Variants in NAALADL2 observed in about 807,000 individuals in gnomAD.
NAALADL2 encodes the protein inactive N-acetylated-alpha-linked acidic dipeptidase-like protein 2.
A neutral mutation model predicts 87.2 loss-of-function variants in NAALADL2; 76 were observed. The observed-to-expected ratio is 0.87, with a 90% confidence interval of 0.72 to 1.05. The LOEUF (loss-of-function observed/expected upper bound fraction) is 1.05, where lower values mean the gene tolerates loss of function less well. Among genes scored for constraint, NAALADL2 ranks in the 50% least tolerant of loss-of-function variants. NAALADL2 has a pLI of 0.00. For synonymous variants in NAALADL2, 354 were observed against 331.0 expected, an observed-to-expected ratio of 1.07 and a Z score of -0.75; for missense variants, 1,089 against 945.8, an observed-to-expected ratio of 1.15 and a Z score of -1.99.
intron 4 of NAALADL2, among the ~76,000 whole-genome samples, chr3:175,313,444 A>G (rs1219950730): frequency 6.6e-6 from 1 of 152,198 alleles, no homozygotes; most frequent in African/African-American, 2.4e-5. Context: ...AATGTTTTGA[A>G]GGAGCTAAAT....
At chr3:175,202,799 C>T (rs1251643237) in intron 2 of NAALADL2, among the ~76,000 whole-genome samples, 1 of 151,946 alleles carries the variant, frequency 6.6e-6, no homozygotes, top group Non-Finnish European at 1.5e-5. Context: ...GCTGTGGCTG[C>T]TCTGGGGGAT....
At chr3:174,441,606 C>A (rs1024317756) in intron 1 of NAALADL2, among the ~76,000 whole-genome samples, 3 of 152,194 alleles carry the variant, frequency 2.0e-5, no homozygotes, top group African/African-American at 4.8e-5. Flanking sequence ...ATGGAAAGAG[C>A]AGCCTGGGAT....
intron 2 of NAALADL2, among the ~76,000 whole-genome samples, chr3:175,220,174 G>C (rs1743148680): frequency 6.9e-6 from 1 of 145,550 alleles, no homozygotes; most frequent in Non-Finnish European, 1.5e-5. Flanking sequence ...AAGGATATTT[G>C]ATGATAATTT....
intron 3 of NAALADL2, among the ~76,000 whole-genome samples, chr3:174,795,015 G>C (rs992639733): frequency 1.3e-5 from 1 of 78,348 alleles, no homozygotes; most frequent in African/African-American, 4.9e-5. Context: ...TTTTGAGACA[G>C]AGTTTCGCTC....
At chr3:175,701,834 A>G (rs559005681) in intron 11 of NAALADL2, among the ~76,000 whole-genome samples, 28 of 152,254 alleles carry the variant, frequency 1.8e-4, no homozygotes, top group African/African-American at 5.5e-4. Context: ...TAACTTCTCT[A>G]TTTAGGTAAT....
At position 175,674,198 on chromosome 3, in the gene NAALADL2, A is replaced by T. The variant is rs77411062; in HGVS notation, c.1896+46812A>T. 2.9e-3 allele frequency among the ~76,000 whole-genome samples: 435 copies of T among 151,676 alleles called. 2 individuals are homozygous for T. The highest frequency in any genetic ancestry group is 9.7e-3 in the African/African-American group (402 of 41,422). ...TTTTTTGTTATTTGTATTATCAAAG[A>T]TTAAAATTCTTGCATTTTGTTTTGT... On this transcript the variant is annotated intron_variant, in intron 11 of 13. Transcript: ENST00000454872.
At chr3:175,069,550 T>C (rs1200753960) in intron 1 of NAALADL2, among the ~76,000 whole-genome samples, 1 of 150,162 alleles carries the variant, frequency 6.7e-6, no homozygotes, top group African/African-American at 2.5e-5. Context: ...AGGAACACTT[T>C]TACAGTGTTG....
At chr3:174,631,429 C>T (rs1332194972) in intron 2 of NAALADL2, among the ~76,000 whole-genome samples, 1 of 152,122 alleles carries the variant, frequency 6.6e-6, no homozygotes, top group Non-Finnish European at 1.5e-5. Flanking sequence ...GTTTTCTGAA[C>T]CTAATCATCT....
intron 5 of NAALADL2, among the ~76,000 whole-genome samples, chr3:175,338,525 T>C (rs1453137284): frequency 1.3e-5 from 2 of 149,456 alleles, no homozygotes; most frequent in East Asian, 3.9e-4. Flanking sequence ...GACCCCAGTT[T>C]TATAGCAACA....
intron 5 of NAALADL2, among the ~76,000 whole-genome samples, chr3:175,378,111 G>C (rs1466870324): frequency 6.6e-6 from 1 of 152,152 alleles, no homozygotes; most frequent in East Asian, 1.9e-4. Context: ...ACTCCCTCTG[G>C]GGCTTCAGGG....
At chr3:174,800,845 A>G (rs1386460165) in intron 3 of NAALADL2, among the ~76,000 whole-genome samples, 1 of 152,204 alleles carries the variant, frequency 6.6e-6, no homozygotes, top group African/African-American at 2.4e-5. Flanking sequence ...ACATGGAGTC[A>G]AAGGAGATCA....
chr3:175,284,186 G>GTTTTTTT (rs34562094), intron 4 of NAALADL2, among the ~76,000 whole-genome samples: 6 of 142,712 alleles, frequency 4.2e-5, no homozygotes, highest in African/African-American at 1.0e-4. Context: ...TTTACACTGT[G>GTTTTTTT]TTTTTTTTTT....
intron 9 of NAALADL2, among the ~76,000 whole-genome samples, chr3:175,505,211 G>A (rs1222645521): frequency 6.6e-6 from 1 of 151,350 alleles, no homozygotes; most frequent in Non-Finnish European, 1.5e-5. Flanking sequence ...GTTGCAGTGA[G>A]CTATGATCCT....
At chr3:174,809,436 G>A (rs953829065) in intron 3 of NAALADL2, among the ~76,000 whole-genome samples, 1 of 152,172 alleles carries the variant, frequency 6.6e-6, no homozygotes, top group African/African-American at 2.4e-5. Flanking sequence ...ATATCAATAT[G>A]TTCGGATTTT....
intron 2 of NAALADL2, among the ~76,000 whole-genome samples, chr3:175,167,939 A>G (rs1483498695): frequency 2.6e-5 from 4 of 152,018 alleles, no homozygotes; most frequent in Admixed American, 6.6e-5. Flanking sequence ...TGGCATTATA[A>G]TAATCACTGA....
chr3:175,598,227 A>G (rs1560825239), intron 10 of NAALADL2, among the ~76,000 whole-genome samples: 1 of 152,070 alleles, frequency 6.6e-6, no homozygotes, highest in Non-Finnish European at 1.5e-5. Flanking sequence ...CCATAGGCGG[A>G]ACACCTAGAT....
intron 2 of NAALADL2, among the ~76,000 whole-genome samples, chr3:174,621,816 A>G (rs1721034418): frequency 6.6e-6 from 1 of 152,194 alleles, no homozygotes; most frequent in South Asian, 2.1e-4. Context: ...ACTGTTGGCA[A>G]AAGAGTCACT....
intron 5 of NAALADL2, among the ~76,000 whole-genome samples, chr3:175,445,682 T>A (rs899832873): frequency 7.2e-5 from 11 of 152,234 alleles, no homozygotes; most frequent in Admixed American, 6.5e-4. Context: ...ATTATGACTA[T>A]GTAAATATTA....
intron 1 of NAALADL2, among the ~76,000 whole-genome samples, chr3:174,508,892 A>G (rs1719399002): frequency 6.6e-6 from 1 of 152,136 alleles, no homozygotes; most frequent in Admixed American, 6.5e-5. Context: ...AAAAGTATAT[A>G]ATAACAATTA....
Sources: allele counts gnomAD v4.1 joint callset (sites outside exome capture counted in the v4.1 genomes callset), GRCh38; gene constraint gnomAD v4.1.1; transcripts MANE v1.5; gene names NCBI Gene and HGNC (gene_info 2026-07-23, HGNC 2026-07-21).